The following MYH8 variants were observed in gnomAD, a reference collection of about 807,000 sequenced individuals.
MYH8 encodes myosin heavy chain 8.
Under a neutral mutation model 233.2 loss-of-function variants are expected in MYH8, and 168 were observed. That is an observed-to-expected ratio of 0.72 (90% CI 0.64 to 0.82). MYH8 has a LOEUF of 0.82. Among genes scored for constraint, MYH8 ranks in the 40% least tolerant of loss-of-function variants. The pLI is 0.00. For missense variants in MYH8, 1,995 were observed against 2,327.8 expected (o/e 0.86, Z 2.94); for synonymous variants, 785 against 850.6 (o/e 0.92, Z 1.34).
intron 17 of MYH8, among the ~76,000 whole-genome samples, chr17:10,408,189 T>C (rs1053462021): frequency 1.3e-4 from 20 of 152,138 alleles, no homozygotes; most frequent in African/African-American, 4.8e-4. Context: ...TCTGCCCGCC[T>C]CAGCCTCCCA....
At position 10,415,357 on chromosome 17, in the gene MYH8, C is replaced by T. The variant is rs140408926; in HGVS notation, c.676G>A (p.Ala226Thr). The T allele has an allele frequency of 1.6e-4, 257 of 1,614,146 alleles. 1 individual carries two copies. The East Asian group carries it at 2.5e-3, about 16-fold the overall frequency. ...QGTLEDQIISANPLLEAFGNA... is the reference protein window; with the variant it reads ...QGTLEDQIISTNPLLEAFGNA... ...CCAAAGGCCTCCAGTAGGGGATTGG[C>T]GCTGATGATTTGATCTTCCAGAGTC... The change falls in exon 8 of 40, where the codon GCC (alanine) becomes ACC (threonine). Residue 226 changes from alanine (A) to threonine (T), a missense_variant. Physicochemically the swap from Ala to Thr is moderately conservative, Grantham distance 58. Coordinates refer to ENST00000403437, the MANE Select transcript of MYH8 (RefSeq NM_002472.3). This position sits in a 1 kb window ranked among gnomAD's most constrained non-coding sequence, Gnocchi z 4.1.
chr17:10,401,778 T>C lies in MYH8; in HGVS notation c.2696A>G (p.Asp899Gly). The C allele has an allele frequency of 1.9e-6, 3 of 1,614,246 alleles. No individual in the cohort carries two copies. The South Asian group carries it at 3.3e-5, about 18-fold the overall frequency. Residue 899 changes from aspartate (D) to glycine (G), a missense_variant, in exon 23 of 40, where the codon GAT becomes GGT. By Grantham distance (94) the Asp-to-Gly change is moderately conservative. Transcript: ENST00000403437. The stretch of plus-strand genomic sequence containing the variant: ...CCTTTCCTCTGCATCAGCCAAGCTA[T>C]CTGCTTCCTATGGAGAGATTCATTC... ...DLQLQVQSEA[D>G]SLADAEERCE...
At chr17:10,418,542 G>T in intron 5 of MYH8, 103 bp downstream of exon 5, 1 of 1,602,476 alleles carries the variant, frequency 6.2e-7, no homozygotes, top group Non-Finnish European at 8.5e-7. Context: ...GCCCCATGTG[G>T]CTAGAATGTA....
Position 10,414,445 on chromosome 17 carries a change from G to A in MYH8, c.845C>T (p.Ala282Val), listed in dbSNP as rs200214136. The A allele has an allele frequency of 8.4e-5, 136 of 1,613,088 alleles. No individual in the cohort carries two copies. In the Middle Eastern group the frequency reaches 1.3e-3, roughly 16 times the overall value. ...ATAAAAAATATGGTAGCTTCTTTCC[G>A]CCTTTAGCTGGAAAGTAACTCTGGA... ...EKSRVTFQLK[A>V]ERSYHIFYQI... Residue 282 changes from alanine to valine, a missense_variant, in exon 10 of 40, where the codon GCG becomes GTG. Transcript: ENST00000403437.
At chr17:10,403,300 T>C (rs1449706110) in intron 22 of MYH8, among the ~76,000 whole-genome samples, 1 of 152,188 alleles carries the variant, frequency 6.6e-6, no homozygotes, top group African/African-American at 2.4e-5. Flanking sequence ...ATAAAGTTTT[T>C]ATAAGTGACT....
chr17:10,419,007 T>C lies in MYH8; in HGVS notation c.234A>G (p.Gln78=). 6.2e-7 allele frequency: 1 copy of C among 1,614,032 alleles called. No homozygotes were observed. The highest frequency in any genetic ancestry group is 8.5e-7 in the Non-Finnish European group (1 of 1,179,922). Residue 78 remains glutamine, a synonymous_variant, in exon 4 of 40, where the codon CAA becomes CAG. Coordinates refer to ENST00000403437, the MANE Select transcript of MYH8 (RefSeq NM_002472.3). The surrounding 1 kb of genome is among the most constrained non-coding windows in gnomAD (Gnocchi z 4.0). ...ATTTCGGAGGGTTCATAGGGAAGAC[T>C]TGGTCTTCCCTGACAGTTAGAGTCT... The part of the protein sequence containing the change: ...GGATLTVRED[Q]VFPMNPPKYD...
chr17:10,394,470 G>C lies in MYH8; in HGVS notation c.4963-18C>G. The C allele has an allele frequency of 6.2e-7, 1 of 1,613,638 alleles. No homozygotes were observed. Among genetic ancestry groups the C allele is most frequent in the Non-Finnish European group, 8.5e-7 (1 of 1,179,722 alleles). ...TGGGTTTCCTAATAAGTGAAAAACA[G>C]AAAGGCCTTAAGTGTTCTGAAGAGG... On this transcript the variant is annotated intron_variant, in intron 34 of 39. Coordinates refer to ENST00000403437, the MANE Select transcript of MYH8 (RefSeq NM_002472.3).
chr17:10,411,015 A>C, intron 14 of MYH8, 68 bp from the exon 15 acceptor site: 1 of 1,611,728 alleles, frequency 6.2e-7, no homozygotes, highest in Middle Eastern at 1.7e-4. Context: ...TTACTGAAAA[A>C]ATTCTTTTAT....
chr17:10,412,269 G>A (rs1839819992), intron 14 of MYH8, 101 bp downstream of exon 14: 10 of 1,610,308 alleles, frequency 6.2e-6, no homozygotes, highest in Non-Finnish European at 7.6e-6. Flanking sequence ...CAGTGTTGGA[G>A]CAAGTAATAT....
In MYH8 at chr17:10,394,303, G is replaced by A. The variant is rs766809648; in HGVS notation, c.5112C>T (p.Ile1704=). 1.1e-5 allele frequency: 18 copies of A among 1,613,942 alleles called. No homozygotes were observed. The highest frequency in any genetic ancestry group is 1.6e-4 in the Middle Eastern group (1 of 6,078). The change falls in exon 35 of 40, where the codon ATC becomes ATT. Residue 1704 remains isoleucine (I), a synonymous_variant. Coordinates refer to ENST00000403437, the MANE Select transcript of MYH8 (RefSeq NM_002472.3). ...TLEQTERSRK[I]AEQELLDASE... ...TGGCATCCAGGAGCTCCTGTTCGGC[G>A]ATTTTCCTGCTTCTCTCTGTCTGTT...
chr17:10,418,947 A>G lies in MYH8; in HGVS notation c.294T>C (p.His98=), dbSNP rs1483435321. ...DKIEDMAMMT[H]LHEPGVLYNL... ...TGTACAGCACTCCAGGCTCGTGTAGATGAGTCATCATGGCCATGTCCTCAA... is the reference window on the plus strand; with the variant it reads ...TGTACAGCACTCCAGGCTCGTGTAGGTGAGTCATCATGGCCATGTCCTCAA... Residue 98 remains histidine, a synonymous_variant, in exon 4 of 40, where the codon CAT becomes CAC. Coordinates refer to ENST00000403437, the MANE Select transcript of MYH8 (RefSeq NM_002472.3). 2 of 1,614,150 alleles carry G rather than the reference A, an allele frequency of 1.2e-6. No homozygotes were observed. Among genetic ancestry groups the G allele is most frequent in the Admixed American group, 3.3e-5 (2 of 60,024 alleles).
Position 10,415,163 on chromosome 17 carries a change from A to C in MYH8, c.758T>G (p.Ile253Ser). The C allele has an allele frequency of 6.2e-7, 1 of 1,613,236 alleles. No individual in the cohort carries two copies. The highest frequency in any genetic ancestry group is 8.5e-7 in the Non-Finnish European group (1 of 1,179,136). The change falls in exon 9 of 40, where the codon ATC becomes AGC. Residue 253 changes from isoleucine (I) to serine (S), a missense_variant. Transcript: ENST00000403437. This position sits in a 1 kb window ranked among gnomAD's most constrained non-coding sequence, Gnocchi z 4.1. ...NSSRFGKFIRIHFGTTGKLAS... is the reference protein window; with the variant it reads ...NSSRFGKFIRSHFGTTGKLAS... Reference sequence around the variant, plus strand: ...CAGCTTCCCTGTAGTACCAAAGTGGATTCTAATGAATTTACCCTTGAAAAG... The same window carrying C: ...CAGCTTCCCTGTAGTACCAAAGTGGCTTCTAATGAATTTACCCTTGAAAAG...
rs775077561 is a variant in MYH8 at position 10,401,383 on chromosome 17, C to T, written c.3000G>A (p.Lys1000=). 2 of 1,614,002 alleles carry T rather than the reference C, an allele frequency of 1.2e-6. No homozygotes were observed. The highest frequency in any genetic ancestry group is 2.2e-5 in the East Asian group (1 of 44,856). The change falls in exon 24 of 40, where the codon AAG becomes AAA. Residue 1000 remains lysine (K), a synonymous_variant. Transcript: ENST00000403437. ...TCTGCTGGTGGGTCTCTTGGAGAGC[C>T]TTCTTCTCCTTGGACAGTTTTGCAA... is the stretch of plus-strand genomic sequence containing the variant. ...ETIAKLSKEK[K]ALQETHQQTL... is the part of the protein sequence containing the mutation.
Position 10,390,387 on chromosome 17 carries a change from G to A in MYH8, c.*67C>T. 6.3e-7 allele frequency: 1 copy of A among 1,585,724 alleles called. No individual in the cohort carries two copies. The highest frequency in any genetic ancestry group is 8.6e-7 in the Non-Finnish European group (1 of 1,156,084). On this transcript the variant is annotated 3_prime_UTR_variant, in exon 40 of 40. Transcript: ENST00000403437. The stretch of plus-strand genomic sequence containing the variant: ...TTAACAGGAAAATAAACGTCATAAA[G>A]CAAGTGACCAAAAATAGCACATTTT...
chr17:10,400,464 C>T lies in MYH8; in HGVS notation c.3661G>A (p.Glu1221Lys). The T allele has an allele frequency of 6.2e-7, 1 of 1,614,066 alleles. No individual in the cohort carries two copies. The highest frequency in any genetic ancestry group is 8.5e-7 in the Non-Finnish European group (1 of 1,179,972). Residue 1221 changes from glutamate (E) to lysine (K), a missense_variant, in exon 27 of 40, where the codon GAG becomes AAG. Around this residue, in one of 3 missense-constraint regions of MYH8, gnomAD observed 1,498 missense variants for 1,680.9 expected, o/e 0.89. Transcript: ENST00000403437. This position sits in a 1 kb window ranked among gnomAD's most constrained non-coding sequence, Gnocchi z 4.0. Reference sequence around the variant, plus strand: ...ATCTTCAGCTCACTCTTCTCCTTCTCCAGCTTCTGTTTGACCCGCTGCAAG... The same window carrying T: ...ATCTTCAGCTCACTCTTCTCCTTCTTCAGCTTCTGTTTGACCCGCTGCAAG... ...DNLQRVKQKL[E>K]KEKSELKMET...
In MYH8 at chr17:10,396,368, C is replaced by T. The variant is rs1337657555; in HGVS notation, c.4615G>A (p.Glu1539Lys). The T allele has an allele frequency of 3.7e-6, 6 of 1,614,010 alleles. No homozygotes were observed. The highest frequency in any genetic ancestry group is 1.6e-4 in the Middle Eastern group (1 of 6,062). The change falls in exon 33 of 40, where the codon GAG becomes AAG. Residue 1539 changes from glutamate (E) to lysine (K), a missense_variant. Coordinates refer to ENST00000403437, the MANE Select transcript of MYH8 (RefSeq NM_002472.3). This position sits in a 1 kb window ranked among gnomAD's most constrained non-coding sequence, Gnocchi z 4.2. ...LEKIKKQVEQ[E>K]KCEIQAALEE... is the part of the protein sequence containing the mutation. ...AAAGCAGCCTGAATTTCACATTTCT[C>T]TTGTTCTACTTGCTTCTTTATTTTC...
In MYH8 at chr17:10,415,766, G is replaced by C. The variant is rs893394689; in HGVS notation, c.512-58C>G. ...ATGCATATTTAATATGAAGAGTATT[G>C]AATCAGTTCAGATCAAACACAGCTT... On this transcript the variant is annotated intron_variant, in intron 5 of 39. Coordinates refer to ENST00000403437, the MANE Select transcript of MYH8 (RefSeq NM_002472.3). This position sits in a 1 kb window ranked among gnomAD's most constrained non-coding sequence, Gnocchi z 4.1. 5.2e-6 allele frequency: 8 copies of C among 1,535,950 alleles called. No homozygotes were observed. In the African/African-American group the frequency reaches 9.6e-5, roughly 18 times the overall value.
In MYH8 at chr17:10,415,505, T is replaced by A. The variant is rs748026294; in HGVS notation, c.615A>T (p.Gly205=). 3.1e-6 allele frequency: 5 copies of A among 1,614,210 alleles called. No individual in the cohort carries two copies. The highest frequency in any genetic ancestry group is 1.7e-6 in the Non-Finnish European group (2 of 1,180,024). The stretch of plus-strand genomic sequence containing the variant: ...TGCCAGATTCATCCTTCTTCTTCTC[T>A]CCAGTAACTGCAATTGTTGCAAAGT... The part of the protein sequence containing the change: ...IQYFATIAVT[G]EKKKDESGKM... Residue 205 remains glycine (G), a synonymous_variant, in exon 7 of 40, where the codon GGA becomes GGT. Transcript: ENST00000403437. The surrounding 1 kb of genome is among the most constrained non-coding windows in gnomAD (Gnocchi z 4.1).
chr17:10,405,986 C>A (rs1320608473), intron 21 of MYH8, 55 bp downstream of exon 21: 1 of 1,595,980 alleles, frequency 6.3e-7, no homozygotes, highest in African/African-American at 1.3e-5. Flanking sequence ...ATGAACAAGA[C>A]TGATTGATAG....
Sources: gnomAD v4.1 joint callset for allele counts (sites outside exome capture counted in the v4.1 genomes callset) on GRCh38, gnomAD v4.1.1 for gene constraint, gnomAD v4.1.1 regional missense constraint, Gnocchi (gnomAD v3.1) non-coding constraint, MANE v1.5 for transcripts, NCBI Gene and HGNC (gene_info 2026-07-23, HGNC 2026-07-21) for gene names.